DRC11: variants seen among roughly 807,000 people sequenced by gnomAD.
The protein encoded by DRC11 is dynein regulatory complex subunit 11, also known as IQ and AAA domain-containing protein 1.
At chr2:236,363,626 T>C in the DRC11 span, among the ~76,000 whole-genome samples, 2 of 152,182 alleles carry the variant, frequency 1.3e-5, no homozygotes, top group Non-Finnish European at 2.9e-5. This position sits in a 1 kb window ranked among gnomAD's most constrained non-coding sequence, Gnocchi z 5.6. Flanking sequence ...TTGTGTGTGT[T>C]TGGCCATACG....
At chr2:236,484,009 T>C in the DRC11 span, among the ~76,000 whole-genome samples, 4 of 152,202 alleles carry the variant, frequency 2.6e-5, no homozygotes, top group Non-Finnish European at 5.9e-5. Context: ...ACTTTATTTA[T>C]TTTCCCTGAA....
At chr2:236,319,077 G>C in the DRC11 span, among the ~76,000 whole-genome samples, 1 of 152,178 alleles carries the variant, frequency 6.6e-6, no homozygotes, top group African/African-American at 2.4e-5. This position sits in a 1 kb window ranked among gnomAD's most constrained non-coding sequence, Gnocchi z 6.7. Context: ...AGCTTTTTTG[G>C]GGCCCCAGGG....
the DRC11 span, among the ~76,000 whole-genome samples, chr2:236,482,213 T>C: frequency 9.6e-3 from 1,456 of 152,072 alleles, 31 homozygotes; most frequent in African/African-American, 0.033. This position sits in a 1 kb window ranked among gnomAD's most constrained non-coding sequence, Gnocchi z 4.5. Context: ...GTCAGAAACA[T>C]ACTTTTTAAT....
the DRC11 span, among the ~76,000 whole-genome samples, chr2:236,439,671 T>C: frequency 6.6e-6 from 1 of 152,132 alleles, no homozygotes; most frequent in Admixed American, 6.5e-5. Context: ...GATAAAATTA[T>C]CACTTTAAAA....
At chr2:236,454,675 T>A in the DRC11 span, 1 of 152,242 alleles carries the variant, frequency 6.6e-6, no homozygotes, top group Non-Finnish European at 1.5e-5. The surrounding 1 kb of genome is among the most constrained non-coding windows in gnomAD (Gnocchi z 5.3). Context: ...AGGGAAAGAA[T>A]ACATACAGCC....
At chr2:236,314,344 G>T in the DRC11 span, among the ~76,000 whole-genome samples, 1 of 152,194 alleles carries the variant, frequency 6.6e-6, no homozygotes, top group Non-Finnish European at 1.5e-5. The surrounding 1 kb of genome is among the most constrained non-coding windows in gnomAD (Gnocchi z 4.5). Context: ...ATGTGATAAA[G>T]TATAGTTTCA....
the DRC11 span, among the ~76,000 whole-genome samples, chr2:236,444,482 T>C: frequency 2.6e-5 from 4 of 152,222 alleles, no homozygotes; most frequent in Admixed American, 2.0e-4. Context: ...TGAACAGATC[T>C]TGAAGGCCCC....
At chr2:236,349,522 G>A in the DRC11 span, among the ~76,000 whole-genome samples, 1 of 152,146 alleles carries the variant, frequency 6.6e-6, no homozygotes, top group African/African-American at 2.4e-5. The surrounding 1 kb of genome is among the most constrained non-coding windows in gnomAD (Gnocchi z 5.5). Context: ...TATACACCAT[G>A]GAACACTATG....
chr2:236,409,153 C>T, the DRC11 span: 1 of 345,778 alleles, frequency 2.9e-6, no homozygotes, highest in South Asian at 3.1e-5. Context: ...GTTGCCCAGG[C>T]TAGAGTGCAG....
chr2:236,480,633 G>A, the DRC11 span, among the ~76,000 whole-genome samples: 4 of 152,096 alleles, frequency 2.6e-5, no homozygotes, highest in African/African-American at 9.7e-5. Flanking sequence ...TTGCTTTCCT[G>A]TGTTATTTTG....
chr2:236,412,729 A>T, the DRC11 span: 1 of 152,076 alleles, frequency 6.6e-6, no homozygotes, highest in South Asian at 2.1e-4. Context: ...CGTCTATTTC[A>T]TCTTTTTATA....
chr2:236,446,125 G>T, the DRC11 span, among the ~76,000 whole-genome samples: 1 of 152,158 alleles, frequency 6.6e-6, no homozygotes, highest in Admixed American at 6.5e-5. This position sits in a 1 kb window ranked among gnomAD's most constrained non-coding sequence, Gnocchi z 6.2. Flanking sequence ...TCGATTTTCA[G>T]CTGTGTCCTG....
chr2:236,357,480 T>TTATATATTATAAATACA, the DRC11 span, among the ~76,000 whole-genome samples: 1 of 126,694 alleles, frequency 7.9e-6, no homozygotes, highest in African/African-American at 3.2e-5. Flanking sequence ...ACATGTATAT[T>TTATATATTATAAATACA]TATATATTAT....
At chr2:236,430,433 T>C in the DRC11 span, among the ~76,000 whole-genome samples, 1 of 152,194 alleles carries the variant, frequency 6.6e-6, no homozygotes, top group East Asian at 1.9e-4. This position sits in a 1 kb window ranked among gnomAD's most constrained non-coding sequence, Gnocchi z 6.0. Flanking sequence ...TATACAAATG[T>C]TAGCGTATTA....
At chr2:236,461,177 A>G in the DRC11 span, among the ~76,000 whole-genome samples, 1 of 152,232 alleles carries the variant, frequency 6.6e-6, no homozygotes, top group East Asian at 1.9e-4. This position sits in a 1 kb window ranked among gnomAD's most constrained non-coding sequence, Gnocchi z 4.0. Context: ...TTAATAATAA[A>G]TTAGATTTTA....
chr2:236,436,203 T>C, the DRC11 span, among the ~76,000 whole-genome samples: 1 of 152,080 alleles, frequency 6.6e-6, no homozygotes, highest in South Asian at 2.1e-4. Context: ...CTTTGCTTTT[T>C]TATCAGGGTG....
the DRC11 span, among the ~76,000 whole-genome samples, chr2:236,445,322 A>C: frequency 6.6e-6 from 1 of 152,038 alleles, no homozygotes; most frequent in African/African-American, 2.4e-5. This position sits in a 1 kb window ranked among gnomAD's most constrained non-coding sequence, Gnocchi z 4.8. Context: ...CAAAGATAAT[A>C]TTAAATATAT....
chr2:236,372,804 G>T, the DRC11 span, among the ~76,000 whole-genome samples: 5 of 151,928 alleles, frequency 3.3e-5, no homozygotes, highest in African/African-American at 9.7e-5. This position sits in a 1 kb window ranked among gnomAD's most constrained non-coding sequence, Gnocchi z 4.5. Context: ...GTAGAAAAAG[G>T]GTCTTGCTAT....
At chr2:236,488,417 T>C in the DRC11 span, among the ~76,000 whole-genome samples, 1 of 152,220 alleles carries the variant, frequency 6.6e-6, no homozygotes, top group Admixed American at 6.5e-5. Flanking sequence ...CCCCTGACTT[T>C]CCTTTATCCT....
Sources: allele counts gnomAD v4.1 joint callset (sites outside exome capture counted in the v4.1 genomes callset), GRCh38; gene constraint gnomAD v4.1.1; non-coding constraint Gnocchi (gnomAD v3.1); transcripts MANE v1.5; gene names NCBI Gene and HGNC (gene_info 2026-07-23, HGNC 2026-07-21).